FNBP1L: variants seen among roughly 807,000 people sequenced by gnomAD.
FNBP1L encodes the protein formin-binding protein 1-like.
Under a neutral mutation model 91.2 loss-of-function variants are expected in FNBP1L, and 36 were observed. That is an observed-to-expected ratio of 0.39 (90% CI 0.30 to 0.52). The LOEUF (loss-of-function observed/expected upper bound fraction) is 0.52, where lower values mean the gene tolerates loss of function less well. Among genes scored for constraint, FNBP1L ranks in the 20% least tolerant of loss-of-function variants. FNBP1L has a pLI of 0.66. For missense variants in FNBP1L, 571 were observed against 732.1 expected (o/e 0.78, Z 2.54); for synonymous variants, 242 against 237.0 (o/e 1.02, Z -0.19).
chr1:93,529,887 A>T (rs958214509), intron 6 of FNBP1L, 131 bp downstream of exon 6: 3 of 582,862 alleles, frequency 5.1e-6, no homozygotes, highest in Non-Finnish European at 9.0e-6. Flanking sequence ...TAAAATATAC[A>T]AATATTTGCC....
intron 5 of FNBP1L, among the ~76,000 whole-genome samples, chr1:93,528,694 A>G (rs1051849972): frequency 1.3e-5 from 2 of 152,172 alleles, no homozygotes; most frequent in Admixed American, 1.3e-4. Context: ...ACAACTATGC[A>G]TTAGGCCTAG....
At chr1:93,457,563 C>G (rs1185521952) in intron 1 of FNBP1L, among the ~76,000 whole-genome samples, 2 of 152,076 alleles carry the variant, frequency 1.3e-5, no homozygotes, top group Non-Finnish European at 2.9e-5. Flanking sequence ...CAAACATCCT[C>G]AGGGCAAGAG....
At chr1:93,485,887 A>G (rs1390972936) in intron 1 of FNBP1L, among the ~76,000 whole-genome samples, 3 of 152,042 alleles carry the variant, frequency 2.0e-5, no homozygotes, top group Non-Finnish European at 4.4e-5. Flanking sequence ...TTTAGTAGAG[A>G]TGGGGTTTCA....
At chr1:93,546,033 A>T (rs986189453) in intron 12 of FNBP1L, among the ~76,000 whole-genome samples, 1 of 152,136 alleles carries the variant, frequency 6.6e-6, no homozygotes. Flanking sequence ...GGAGATATGC[A>T]TTTGAAAATC....
At position 93,553,486 on chromosome 1, in the gene FNBP1L, A is replaced by C. The variant is rs993427792; in HGVS notation, c.*1070A>C. On this transcript the variant is annotated 3_prime_UTR_variant, in exon 17 of 17. Transcript: ENST00000271234. ...ATCTTCAAATTTATGCATCAAACTA[A>C]AGACATGTCCAAGTCCATTTTAATT... 1.3e-5 allele frequency: 2 copies of C among 152,610 alleles called. No homozygotes were observed. Among genetic ancestry groups the C allele is most frequent in the African/African-American group, 2.4e-5 (1 of 41,440 alleles). 9.5% of individuals were successfully genotyped at this position (152,610 alleles called of 1,614,324 possible).
intron 2 of FNBP1L, among the ~76,000 whole-genome samples, chr1:93,510,876 G>C (rs1037043658): frequency 3.9e-5 from 6 of 152,070 alleles, no homozygotes; most frequent in South Asian, 2.1e-4. Context: ...TGAAATGAAT[G>C]AAACGAAGCG....
At chr1:93,512,681 A>G (rs1346008083) in intron 2 of FNBP1L, among the ~76,000 whole-genome samples, 3 of 150,606 alleles carry the variant, frequency 2.0e-5, no homozygotes, top group Non-Finnish European at 4.5e-5. Flanking sequence ...TACTGGGTAC[A>G]TAACGAAATG....
intron 5 of FNBP1L, among the ~76,000 whole-genome samples, chr1:93,525,122 T>C (rs571165857): frequency 1.5e-3 from 227 of 152,144 alleles, no homozygotes; most frequent in African/African-American, 5.3e-3. Context: ...GATACTCTTT[T>C]TGGACCCTCA....
chr1:93,454,090 T>C (rs897967924), intron 1 of FNBP1L, among the ~76,000 whole-genome samples: 2 of 152,242 alleles, frequency 1.3e-5, no homozygotes, highest in South Asian at 4.1e-4. Flanking sequence ...GCAGATATTG[T>C]GTCTTACTCA....
Position 93,448,312 on chromosome 1 carries a change from CG to C in FNBP1L, c.24+11del, listed in dbSNP as rs779052356. 87 of 1,509,088 alleles carry C rather than the reference CG, an allele frequency of 5.8e-5. No individual in the cohort carries two copies. The highest frequency in any genetic ancestry group is 7.3e-5 in the Non-Finnish European group (82 of 1,129,708). The allele number at this position is 1,509,088 out of a possible 1,614,324, so 93.5% of individuals were successfully genotyped here. A position where few individuals can be genotyped will look rare whatever the true frequency, so the allele number is the denominator to read the frequency against. On this transcript the variant is annotated splice_region_variant and intron_variant, in intron 1 of 16. Transcript: ENST00000271234. Reference sequence around the variant, plus strand: ...CTGGGGCACGGAGCTGTGGGTGAGTCGGGGAGAGGGGCGCCCCGCACGGACC... The same window carrying C: ...CTGGGGCACGGAGCTGTGGGTGAGTCGGGAGAGGGGCGCCCCGCACGGACC...
At chr1:93,457,587 C>T (rs1668712371) in intron 1 of FNBP1L, among the ~76,000 whole-genome samples, 2 of 152,004 alleles carry the variant, frequency 1.3e-5, no homozygotes, top group African/African-American at 4.8e-5. Context: ...CTTATGTGCT[C>T]TTTTACCTTT....
intron 2 of FNBP1L, among the ~76,000 whole-genome samples, chr1:93,514,527 G>C (rs1303761699): frequency 1.3e-5 from 2 of 152,054 alleles, no homozygotes; most frequent in Non-Finnish European, 2.9e-5. Context: ...ATACTACAAG[G>C]CTACAGTAAC....
At chr1:93,532,421 C>T (rs571449723) in intron 7 of FNBP1L, among the ~76,000 whole-genome samples, 9 of 145,232 alleles carry the variant, frequency 6.2e-5, no homozygotes, top group Admixed American at 2.9e-4. Context: ...GAGCCGAGAT[C>T]GCGCAACTGC....
chr1:93,501,735 A>G (rs1372677691), intron 2 of FNBP1L, among the ~76,000 whole-genome samples: 3 of 152,206 alleles, frequency 2.0e-5, no homozygotes, highest in African/African-American at 7.2e-5. Flanking sequence ...TCACTGTATT[A>G]TACAGAGTGA....
Position 93,550,938 on chromosome 1 carries a change from CTCA to C in FNBP1L, c.1652-6_1652-4del. The C allele has an allele frequency of 6.5e-7, 1 of 1,529,194 alleles. No homozygotes were observed. Among genetic ancestry groups the C allele is most frequent in the Non-Finnish European group, 8.8e-7 (1 of 1,135,384 alleles). The allele number at this position is 1,529,194 out of a possible 1,614,324, so 94.7% of individuals were successfully genotyped here. On this transcript the variant is annotated splice_region_variant and splice_polypyrimidine_tract_variant and intron_variant, in intron 15 of 16. Coordinates refer to ENST00000271234, the MANE Select transcript of FNBP1L (RefSeq NM_001164473.3). The stretch of plus-strand genomic sequence containing the variant: ...TGCTTAAATTATGCTTGTGAAAACT[CTCA>C]TCTAGGACATAATGAAGGTACTCTA...
chr1:93,495,031 G>T (rs1670217741), intron 1 of FNBP1L, among the ~76,000 whole-genome samples: 1 of 152,160 alleles, frequency 6.6e-6, no homozygotes, highest in Non-Finnish European at 1.5e-5. Flanking sequence ...TACAATTTGA[G>T]GTGAGATTTG....
At chr1:93,457,256 C>T (rs1010958625) in intron 1 of FNBP1L, among the ~76,000 whole-genome samples, 9 of 152,246 alleles carry the variant, frequency 5.9e-5, no homozygotes, top group African/African-American at 1.9e-4. Flanking sequence ...TAAATGATAC[C>T]GTATGGTAAG....
intron 2 of FNBP1L, among the ~76,000 whole-genome samples, chr1:93,514,682 T>TA (rs1448154684): frequency 6.6e-6 from 1 of 152,066 alleles, no homozygotes; most frequent in African/African-American, 2.4e-5. Flanking sequence ...ATTCCCTATT[T>TA]AATAAATGGT....
At chr1:93,503,146 A>T (rs948909102) in intron 2 of FNBP1L, among the ~76,000 whole-genome samples, 4 of 152,128 alleles carry the variant, frequency 2.6e-5, no homozygotes, top group African/African-American at 9.7e-5. Flanking sequence ...TGGGTAATTT[A>T]TAAGGGAAAG....
Sources: allele counts gnomAD v4.1 joint callset (sites outside exome capture counted in the v4.1 genomes callset), GRCh38; gene constraint gnomAD v4.1.1; transcripts MANE v1.5; gene names NCBI Gene and HGNC (gene_info 2026-07-23, HGNC 2026-07-21).